Variants in RUNX1 observed in about 807,000 individuals in gnomAD.
RUNX1 encodes runt-related transcription factor 1.
Under a neutral mutation model 42.8 loss-of-function variants are expected in RUNX1, and 19 were observed. The observed-to-expected ratio is 0.44, with a 90% CI of 0.31 to 0.65. The LOEUF (loss-of-function observed/expected upper bound fraction) is 0.65. Among genes scored for constraint, RUNX1 ranks in the 30% least tolerant of loss-of-function variants. The probability of loss-of-function intolerance (pLI) is 0.07; values close to 1 mark genes in which losing one functional copy is unlikely to be tolerated. For missense variants in RUNX1, 528 were observed against 672.0 expected (o/e 0.79, Z 2.37); for synonymous variants, 271 against 289.4 (o/e 0.94, Z 0.64).
chr21:34,887,757 T>G (rs942684157), intron 3 of RUNX1: 4 of 1,061,458 alleles, frequency 3.8e-6, no homozygotes, highest in Non-Finnish European at 4.6e-6. Flanking sequence ...CTGTGGAGAA[T>G]TTAAACACAA....
intron 3 of RUNX1, chr21:34,888,617 G>A (rs1007349094): frequency 7.6e-6 from 8 of 1,056,814 alleles, no homozygotes; most frequent in Admixed American, 5.4e-5. Flanking sequence ...TGGCGGCGCA[G>A]GGCCGGGCAG....
At chr21:35,015,624 G>T (rs754758414) in intron 2 of RUNX1, among the ~76,000 whole-genome samples, 7 of 152,298 alleles carry the variant, frequency 4.6e-5, no homozygotes, top group African/African-American at 1.7e-4. Context: ...CTTTGATCAT[G>T]CGAAAGTCAA....
intron 6 of RUNX1, among the ~76,000 whole-genome samples, chr21:34,840,275 G>A (rs894866427): frequency 2.0e-5 from 3 of 152,210 alleles, no homozygotes; most frequent in Admixed American, 6.5e-5. Context: ...AGGACCGGGT[G>A]TTAATGCAGA....
Position 34,808,037 on chromosome 21 carries a change from C to A in RUNX1, c.806-8575G>T, listed in dbSNP as rs571903378. ...CAGTCACCTATTCCTACTACAGGTACCCCCAGGTAGCAGACACCGGCTCAG... is the reference window on the plus strand; with the variant it reads ...CAGTCACCTATTCCTACTACAGGTAACCCCAGGTAGCAGACACCGGCTCAG... On this transcript the variant is annotated intron_variant, in intron 7 of 8. Transcript: ENST00000675419. Among the ~76,000 whole-genome samples the A allele has an allele frequency of 2.6e-5, 4 of 152,324 alleles. No individual in the cohort carries two copies. The East Asian group carries it at 7.7e-4, about 29-fold the overall frequency.
At position 34,907,819 on chromosome 21, in the gene RUNX1, T is replaced by C. The variant is rs2058235883; in HGVS notation, c.59-14856A>G. 6.6e-6 allele frequency among the ~76,000 whole-genome samples: 1 copy of C among 152,204 alleles called. No individual in the cohort carries two copies. The highest frequency in any genetic ancestry group is 1.5e-5 in the Non-Finnish European group (1 of 68,030). On this transcript the variant is annotated intron_variant, in intron 2 of 8. Transcript: ENST00000675419. The surrounding 1 kb of genome is among the most constrained non-coding windows in gnomAD (Gnocchi z 5.3). ...CTTCTGTGGAATAGCATTGGGTCAT[T>C]TCGTTCAGAGGCGAAAAGATTCTTA...
intron 7 of RUNX1, among the ~76,000 whole-genome samples, chr21:34,817,525 T>C (rs2056843912): frequency 6.6e-6 from 1 of 152,184 alleles, no homozygotes; most frequent in Admixed American, 6.5e-5. Flanking sequence ...CATTCCTTGT[T>C]TGAGTGACTG....
chr21:35,038,070 C>A (rs58980844), intron 2 of RUNX1, among the ~76,000 whole-genome samples: 100 of 152,154 alleles, frequency 6.6e-4, no homozygotes, highest in African/African-American at 2.3e-3. Context: ...ACTTCCTCTG[C>A]GTGTCCATTG....
intron 7 of RUNX1, among the ~76,000 whole-genome samples, chr21:34,815,200 G>C (rs1430463290): frequency 6.6e-6 from 1 of 151,918 alleles, no homozygotes; most frequent in African/African-American, 2.4e-5. Context: ...CAAAGGGAAG[G>C]TTGACAAGGA....
rs1305084869 is a variant in RUNX1, at chr21:34,941,300, T to C, written c.59-48337A>G. 2.6e-5 allele frequency among the ~76,000 whole-genome samples: 4 copies of C among 152,224 alleles called. No homozygotes were observed. In the East Asian group the frequency reaches 7.7e-4, roughly 29 times the overall value. ...TGCTAACCGTATTCTAAACCACTAG[T>C]ATAGTCTCCCTCCTTTCCTCCTGGA... is the stretch of plus-strand genomic sequence containing the variant. On this transcript the variant is annotated intron_variant, in intron 2 of 8. Transcript: ENST00000675419.
intron 6 of RUNX1, among the ~76,000 whole-genome samples, chr21:34,835,529 A>G (rs1166593478): frequency 6.6e-6 from 1 of 152,110 alleles, no homozygotes; most frequent in African/African-American, 2.4e-5. Context: ...AGCAGAGGCC[A>G]CTCATGGGGG....
intron 6 of RUNX1, among the ~76,000 whole-genome samples, chr21:34,835,765 C>T (rs9976946): frequency 0.98 from 149,466 of 152,264 alleles, 73,383 homozygotes; most frequent in East Asian, 1. Context: ...CAAAGCCAGA[C>T]TGAGAAACAG....
chr21:34,897,898 A>G (rs1439305638), intron 2 of RUNX1, among the ~76,000 whole-genome samples: 1 of 152,160 alleles, frequency 6.6e-6, no homozygotes, highest in African/African-American at 2.4e-5. Context: ...TATGTAATTA[A>G]GGTTACTAAT....
At chr21:34,892,128 A>G (rs1014048984) in intron 3 of RUNX1, among the ~76,000 whole-genome samples, 1 of 152,230 alleles carries the variant, frequency 6.6e-6, no homozygotes, top group Non-Finnish European at 1.5e-5. Context: ...AATTATTTCT[A>G]TTTTAAATGA....
intron 6 of RUNX1, among the ~76,000 whole-genome samples, chr21:34,850,068 CAAG>C (rs1055902288): frequency 6.6e-6 from 1 of 151,990 alleles, no homozygotes; most frequent in African/African-American, 2.4e-5. Context: ...TGAGAAAACT[CAAG>C]GAGAAATTTT....
intron 2 of RUNX1, among the ~76,000 whole-genome samples, chr21:34,894,079 C>T (rs745443438): frequency 6.6e-5 from 10 of 152,044 alleles, no homozygotes; most frequent in Non-Finnish European, 1.3e-4. Context: ...TAATCATTTG[C>T]ACTAATTGTG....
rs745742457 is a variant in RUNX1, at chr21:35,003,531, A to T, written c.58+45311T>A. On this transcript the variant is annotated intron_variant, in intron 2 of 8. Transcript: ENST00000675419. ...GGAGAAAAGCTGTCTTTTTTTTTTT[A>T]AAAAAAAAGATGACTCAACCATGTC... Among the ~76,000 whole-genome samples, 827 of 104,310 alleles carry T rather than the reference A, an allele frequency of 7.9e-3. 7 individuals carry two copies. Among genetic ancestry groups the T allele is most frequent in the South Asian group, 0.018 (76 of 4,204 alleles). The allele number at this position is 104,310 out of a possible 152,430, so 68.4% of individuals were successfully genotyped here.
At chr21:34,880,841 T>C in intron 4 of RUNX1, 128 bp from the exon 5 acceptor site, 1 of 938,588 alleles carries the variant, frequency 1.1e-6, no homozygotes, top group Non-Finnish European at 1.6e-6. Context: ...TGCAGAGGAA[T>C]AGCAATGATA....
At chr21:34,950,197 G>T (rs752187809) in intron 2 of RUNX1, among the ~76,000 whole-genome samples, 3 of 152,142 alleles carry the variant, frequency 2.0e-5, no homozygotes, top group African/African-American at 7.2e-5. Context: ...AGTGTTATAG[G>T]TATAGCTACA....
intron 7 of RUNX1, among the ~76,000 whole-genome samples, chr21:34,832,175 C>CTA (rs2057072425): frequency 6.6e-6 from 1 of 152,174 alleles, no homozygotes; most frequent in Non-Finnish European, 1.5e-5. Flanking sequence ...TAGTGTTAAA[C>CTA]CTGATACTCT....
Sources: allele counts gnomAD v4.1 joint callset (sites outside exome capture counted in the v4.1 genomes callset), GRCh38; gene constraint gnomAD v4.1.1; non-coding constraint Gnocchi (gnomAD v3.1); transcripts MANE v1.5; gene names NCBI Gene and HGNC (gene_info 2026-07-23, HGNC 2026-07-21).